Variants in FAM81B observed in about 807,000 individuals in gnomAD.
FAM81B encodes protein FAM81B.
A neutral mutation model predicts 58.7 loss-of-function variants in FAM81B; 60 were observed. The ratio of observed to expected loss-of-function variants is 1.02; its 90% CI spans 0.83 to 1.27. The LOEUF (loss-of-function observed/expected upper bound fraction) is 1.27. Among genes scored for constraint, FAM81B ranks in the 50% most tolerant of loss-of-function variants. FAM81B has a pLI of 0.00. For synonymous variants in FAM81B, 189 were observed against 179.6 expected, an observed-to-expected ratio of 1.05 and a Z score of -0.42; for missense variants, 491 against 522.0, an observed-to-expected ratio of 0.94 and a Z score of 0.58.
chr5:95,415,115 G>A (rs1762504077), intron 4 of FAM81B, among the ~76,000 whole-genome samples: 2 of 152,156 alleles, frequency 1.3e-5, no homozygotes, highest in Non-Finnish European at 2.9e-5. Flanking sequence ...AAAATTCTTT[G>A]TCTAAATCAA....
At position 95,430,383 on chromosome 5, in the gene FAM81B, G is replaced by GTATATA. The variant is rs34262078; in HGVS notation, c.786+1658_786+1663dup. ...TCCCCCTTTATTGCACAAAAATAGT[G>GTATATA]TATATATATATAGTATATGTAAATA... On this transcript the variant is annotated intron_variant, in intron 6 of 9. Transcript: ENST00000283357. Among the ~76,000 whole-genome samples, 20 of 147,540 alleles carry GTATATA rather than the reference G, an allele frequency of 1.4e-4. 1 individual carries two copies. The highest frequency in any genetic ancestry group is 4.7e-4 in the African/African-American group (19 of 40,318).
At chr5:95,404,102 C>G (rs1159292269) in intron 3 of FAM81B, among the ~76,000 whole-genome samples, 1 of 152,152 alleles carries the variant, frequency 6.6e-6, no homozygotes, top group East Asian at 1.9e-4. Flanking sequence ...GCTGGCAAAT[C>G]TGGGATATAG....
intron 5 of FAM81B, among the ~76,000 whole-genome samples, chr5:95,424,592 A>T (rs1561303953): frequency 6.6e-6 from 1 of 152,218 alleles, no homozygotes; most frequent in Non-Finnish European, 1.5e-5. Context: ...GAAGTCTTGG[A>T]ACCTAGAAAG....
At position 95,405,102 on chromosome 5, in the gene FAM81B, G is replaced by A. The variant is rs185459387; in HGVS notation, c.294-8845G>A. ...AGGAAAAGTGGAAAAGATAATGGTG[G>A]CCAGGATCAAGAAAGGAAGAAAGAA... is the stretch of plus-strand genomic sequence containing the variant. On this transcript the variant is annotated intron_variant, in intron 3 of 9. Coordinates refer to ENST00000283357, the MANE Select transcript of FAM81B (RefSeq NM_152548.3). Among the ~76,000 whole-genome samples, 29 of 152,290 alleles carry A rather than the reference G, an allele frequency of 1.9e-4. 1 individual carries two copies. The highest frequency in any genetic ancestry group is 7.0e-4 in the African/African-American group (29 of 41,542).
At position 95,412,721 on chromosome 5, in the gene FAM81B, A is replaced by G. The variant is rs193152764; in HGVS notation, c.294-1226A>G. ...CATTTTCTTCTGCAAAGTCCACCAAATCTTCAAATAAATGTTTATAAAGTG... is the reference window on the plus strand; with the variant it reads ...CATTTTCTTCTGCAAAGTCCACCAAGTCTTCAAATAAATGTTTATAAAGTG... On this transcript the variant is annotated intron_variant, in intron 3 of 9. Transcript: ENST00000283357. Among the ~76,000 whole-genome samples the G allele has an allele frequency of 1.9e-4, 29 of 152,286 alleles. No homozygotes were observed. The East Asian group carries it at 4.8e-3, about 25-fold the overall frequency.
chr5:95,412,846 G>A (rs971128543), intron 3 of FAM81B, among the ~76,000 whole-genome samples: 1 of 152,162 alleles, frequency 6.6e-6, no homozygotes, highest in Non-Finnish European at 1.5e-5. Flanking sequence ...AAGAAAGATG[G>A]GGACGATTTT....
intron 3 of FAM81B, among the ~76,000 whole-genome samples, chr5:95,401,557 C>T (rs1561291373): frequency 6.6e-6 from 1 of 152,010 alleles, no homozygotes; most frequent in Non-Finnish European, 1.5e-5. Flanking sequence ...TTTTGTGAGG[C>T]ATCAAAATAT....
At chr5:95,398,259 A>G (rs550284719) in intron 3 of FAM81B, among the ~76,000 whole-genome samples, 73 of 152,180 alleles carry the variant, frequency 4.8e-4, no homozygotes, top group African/African-American at 1.7e-3. Context: ...TCTCTACTAA[A>G]TATACAAAAA....
chr5:95,426,661 G>A (rs1190056174), intron 5 of FAM81B, among the ~76,000 whole-genome samples: 1 of 152,260 alleles, frequency 6.6e-6, no homozygotes, highest in East Asian at 1.9e-4. Flanking sequence ...TCCTGGAGTC[G>A]TGTGGTAGAC....
Position 95,436,893 on chromosome 5 carries a change from C to G in FAM81B, c.880C>G (p.Leu294Val). The G allele has an allele frequency of 6.2e-7, 1 of 1,613,350 alleles. No individual in the cohort carries two copies. Residue 294 changes from leucine (L) to valine (V), a missense_variant, in exon 7 of 10, where the codon CTT becomes GTT. Leu to Val is a conservative substitution (Grantham distance 32). Transcript: ENST00000283357. The part of the protein sequence containing the change: ...VQGDYRHEMN[L>V]LEFKFHSLSS... ...GGGGGATTATCGCCACGAAATGAAC[C>G]TTTTGGAATTCAAGTAAGTGAATAG...
At chr5:95,437,348 T>G (rs1013678127) in intron 7 of FAM81B, among the ~76,000 whole-genome samples, 1 of 152,126 alleles carries the variant, frequency 6.6e-6, no homozygotes, top group East Asian at 1.9e-4. Context: ...TATTTTATTA[T>G]TATTATTATT....
At chr5:95,405,431 T>A (rs1448879186) in intron 3 of FAM81B, among the ~76,000 whole-genome samples, 4 of 152,226 alleles carry the variant, frequency 2.6e-5, no homozygotes, top group Admixed American at 2.6e-4. Context: ...TTATTTTTTA[T>A]TTCAATTATA....
chr5:95,404,283 G>C (rs1762189699), intron 3 of FAM81B, among the ~76,000 whole-genome samples: 1 of 152,098 alleles, frequency 6.6e-6, no homozygotes, highest in Non-Finnish European at 1.5e-5. Context: ...GGGGTTTTAG[G>C]GGAATGGATT....
chr5:95,428,156 G>A (rs1762897739), intron 5 of FAM81B, among the ~76,000 whole-genome samples: 1 of 152,174 alleles, frequency 6.6e-6, no homozygotes, highest in Non-Finnish European at 1.5e-5. Context: ...TGCCAACGGA[G>A]AATTGATAGT....
At chr5:95,402,345 C>G (rs1383219283) in intron 3 of FAM81B, among the ~76,000 whole-genome samples, 1 of 152,088 alleles carries the variant, frequency 6.6e-6, no homozygotes, top group Non-Finnish European at 1.5e-5. Flanking sequence ...TCTTCAGGAA[C>G]CATGTAAATA....
At chr5:95,436,599 G>T (rs1206623527) in intron 6 of FAM81B, among the ~76,000 whole-genome samples, 1 of 152,170 alleles carries the variant, frequency 6.6e-6, no homozygotes, top group East Asian at 1.9e-4. Context: ...TTCTTTCCTT[G>T]AAGATAGTGT....
At chr5:95,404,715 G>A (rs1039536827) in intron 3 of FAM81B, among the ~76,000 whole-genome samples, 4 of 152,182 alleles carry the variant, frequency 2.6e-5, no homozygotes, top group Non-Finnish European at 5.9e-5. Flanking sequence ...CCTACTATGT[G>A]CCACACATTC....
intron 7 of FAM81B, chr5:95,440,665 A>G (rs1036784792): frequency 2.3e-6 from 2 of 867,820 alleles, no homozygotes; most frequent in South Asian, 1.8e-5. Flanking sequence ...AGGACAGACC[A>G]CAGACTGGGA....
At chr5:95,412,164 C>T (rs895916163) in intron 3 of FAM81B, among the ~76,000 whole-genome samples, 3 of 151,642 alleles carry the variant, frequency 2.0e-5, no homozygotes, top group Admixed American at 2.0e-4. Flanking sequence ...TAAGACATGA[C>T]TCTCGTCAGA....
Sources: gnomAD v4.1 joint callset for allele counts (sites outside exome capture counted in the v4.1 genomes callset) on GRCh38, gnomAD v4.1.1 for gene constraint, MANE v1.5 for transcripts, NCBI Gene and HGNC (gene_info 2026-07-23, HGNC 2026-07-21) for gene names.